The following CAMTA2 variants were observed in gnomAD, a reference collection of about 807,000 sequenced individuals.
CAMTA2 encodes the protein calmodulin-binding transcription activator 2.
Under a neutral mutation model 135.7 loss-of-function variants are expected in CAMTA2, and 56 were observed. The ratio of observed to expected loss-of-function variants is 0.41; its 90% CI spans 0.33 to 0.52. CAMTA2 has a LOEUF of 0.52. CAMTA2 is among the 20% of genes least tolerant of loss of function. The pLI is 0.16. For missense variants in CAMTA2, 1,358 were observed against 1,553.4 expected (o/e 0.87, Z 2.11); for synonymous variants, 591 against 604.6 (o/e 0.98, Z 0.33).
rs141179219 is a variant in CAMTA2 at position 4,972,933 on chromosome 17, C to G, written c.2339G>C (p.Arg780Pro). The change falls in exon 15 of 23, where the codon CGA becomes CCA. Residue 780 changes from arginine to proline, a missense_variant. Coordinates refer to ENST00000348066, the MANE Select transcript of CAMTA2 (RefSeq NM_015099.4). ...EAAVLLFRWN[R>P]QALSIPDSLG... is the part of the protein sequence containing the mutation. ...AGAGTCGGGAATGCTCAGTGCCTGT[C>G]GGTTCCAACGGAAAAGGAGCACAGC... The G allele has an allele frequency of 1.9e-6, 3 of 1,613,736 alleles. No homozygotes were observed. The highest frequency in any genetic ancestry group is 1.7e-6 in the Non-Finnish European group (2 of 1,179,986).
At chr17:4,982,636 G>T in intron 5 of CAMTA2, 121 bp downstream of exon 5, 1 of 1,078,420 alleles carries the variant, frequency 9.3e-7, no homozygotes, top group Non-Finnish European at 1.3e-6. Context: ...AGTGAGAAGG[G>T]AAGAGTAACT....
chr17:4,987,090 G>A, intron 1 of CAMTA2: 9 of 1,384,310 alleles, frequency 6.5e-6, no homozygotes, highest in Non-Finnish European at 8.4e-6. Context: ...GCTCGGCTAT[G>A]TGCAGTGAAG....
intron 11 of CAMTA2, 47 bp from the exon 12 acceptor site, chr17:4,974,547 G>T (rs74518904): frequency 1.7e-6 from 2 of 1,152,362 alleles, no homozygotes; most frequent in Non-Finnish European, 2.6e-6. Context: ...TCTAGGTGAT[G>T]CCCTGAACAC....
At position 4,970,471 on chromosome 17, in the gene CAMTA2, G is replaced by C; in HGVS notation, c.2874C>G (p.Asp958Glu). 1 of 1,614,146 alleles carries C rather than the reference G, an allele frequency of 6.2e-7. No individual in the cohort carries two copies. The highest frequency in any genetic ancestry group is 8.5e-7 in the Non-Finnish European group (1 of 1,180,044). ...CTCCAGCCTCGGGCAGCCCCACGAAGTCCTCTCGTTTAATCCGCTCCGGTG... is the reference window on the plus strand; with the variant it reads ...CTCCAGCCTCGGGCAGCCCCACGAACTCCTCTCGTTTAATCCGCTCCGGTG... Reference protein sequence around the residue: ...EATPERIKREDFVGLPEAGAS... With the variant: ...EATPERIKREEFVGLPEAGAS... Residue 958 changes from aspartate to glutamate, a missense_variant, in exon 17 of 23, where the codon GAC becomes GAG. Asp to Glu is a conservative substitution (Grantham distance 45). Transcript: ENST00000348066.
At chr17:4,971,155 A>G (rs1473690967) in intron 16 of CAMTA2, among the ~76,000 whole-genome samples, 1 of 152,212 alleles carries the variant, frequency 6.6e-6, no homozygotes, top group East Asian at 1.9e-4. Context: ...ATTCACTTTC[A>G]TTCCACAAGA....
In CAMTA2 at chr17:4,968,725, C is replaced by T. The variant is rs778525673; in HGVS notation, c.*31G>A. 6.2e-7 allele frequency: 1 copy of T among 1,613,606 alleles called. No individual in the cohort carries two copies. Among genetic ancestry groups the T allele is most frequent in the South Asian group, 1.1e-5 (1 of 91,082 alleles). On this transcript the variant is annotated 3_prime_UTR_variant, in exon 23 of 23. Transcript: ENST00000348066. ...TCCCTGTTAAGACTGCACGAGGCGC[C>T]CCCAGGGTGGTGAGAAAGGCGGTGG... is the stretch of plus-strand genomic sequence containing the variant.
rs1164264093 is a variant in CAMTA2, at chr17:4,979,559, C to A, written c.1638+125G>T. 2.3e-5 allele frequency: 14 copies of A among 606,198 alleles called. No individual in the cohort carries two copies. The African/African-American group carries it at 2.6e-4, about 11-fold the overall frequency. 37.6% of individuals were successfully genotyped at this position (606,198 alleles called of 1,614,324 possible). On this transcript the variant is annotated intron_variant, in intron 9 of 22. Coordinates refer to ENST00000348066, the MANE Select transcript of CAMTA2 (RefSeq NM_015099.4). The stretch of plus-strand genomic sequence containing the variant: ...GAGATTAGGTAGAGGACTAAGAAGC[C>A]TAAGAAGCCATGAAAACTGAGGGAA...
intron 2 of CAMTA2, 37 bp from the exon 3 acceptor site, chr17:4,986,020 C>T (rs1973255935): frequency 6.9e-7 from 1 of 1,452,364 alleles, no homozygotes; most frequent in East Asian, 2.3e-5. Context: ...AGTGTGCTAC[C>T]CTGGGGCATC....
chr17:4,973,142 C>T (rs771011480), intron 14 of CAMTA2, 33 bp downstream of exon 14: 3 of 1,586,314 alleles, frequency 1.9e-6, no homozygotes, highest in South Asian at 2.2e-5. Flanking sequence ...TTGCTCCCTG[C>T]CCCATATGCG....
In CAMTA2 at chr17:4,969,418, G is replaced by A; in HGVS notation, c.3283-81C>T. On this transcript the variant is annotated intron_variant, in intron 20 of 22. Transcript: ENST00000348066. This position sits in a 1 kb window ranked among gnomAD's most constrained non-coding sequence, Gnocchi z 5.6. ...CCCTGAGGCTCACCCAAGTTAGGCT[G>A]ATGCAAGACTCTCTGTAACCCACAC... 6.2e-7 allele frequency: 1 copy of A among 1,606,628 alleles called. No individual in the cohort carries two copies. The highest frequency in any genetic ancestry group is 8.5e-7 in the Non-Finnish European group (1 of 1,173,176).
chr17:4,970,546 G>T lies in CAMTA2; in HGVS notation c.2809-10C>A, dbSNP rs1476553367. ...GTGAGATCATGTCCACCTGGAAGAA[G>T]GGAGAAGCTGAGTGAGTCCTTAGGG... On this transcript the variant is annotated splice_polypyrimidine_tract_variant and intron_variant, in intron 16 of 22. Coordinates refer to ENST00000348066, the MANE Select transcript of CAMTA2 (RefSeq NM_015099.4). The T allele has an allele frequency of 6.2e-7, 1 of 1,605,212 alleles. No homozygotes were observed. The highest frequency in any genetic ancestry group is 8.5e-7 in the Non-Finnish European group (1 of 1,178,824).
intron 10 of CAMTA2, 65 bp downstream of exon 10, chr17:4,978,439 A>AG: frequency 6.5e-7 from 1 of 1,527,840 alleles, no homozygotes. Flanking sequence ...GGAAGCCTGG[A>AG]GGTCCTGATC....
intron 13 of CAMTA2, 72 bp from the exon 14 acceptor site, chr17:4,973,325 A>G: frequency 7.8e-7 from 1 of 1,289,476 alleles, no homozygotes; most frequent in Non-Finnish European, 1.1e-6. Flanking sequence ...CATCAGAAGT[A>G]AAGGCACTAG....
intron 7 of CAMTA2, 55 bp downstream of exon 7, chr17:4,981,623 G>C (rs1297968877): frequency 1.3e-6 from 2 of 1,523,332 alleles, no homozygotes; most frequent in Non-Finnish European, 1.8e-6. Context: ...TGGCCCCTCT[G>C]GGAGCCCTGT....
chr17:4,974,848 T>C (rs564027902), intron 11 of CAMTA2, among the ~76,000 whole-genome samples: 9 of 152,194 alleles, frequency 5.9e-5, no homozygotes, highest in Non-Finnish European at 8.8e-5. Context: ...AGGCAAAATG[T>C]TCTGTCAATT....
rs900549460 is a variant in CAMTA2 at position 4,987,629 on chromosome 17, T to A, written c.-101A>T. The A allele has an allele frequency of 1.3e-6, 2 of 1,527,254 alleles. No homozygotes were observed. Among genetic ancestry groups the A allele is most frequent in the Middle Eastern group, 1.7e-4 (1 of 5,956 alleles). 94.6% of individuals were successfully genotyped at this position (1,527,254 alleles called of 1,614,324 possible). A position where few individuals can be genotyped will look rare whatever the true frequency, so the allele number is the denominator to read the frequency against. On this transcript the variant is annotated 5_prime_UTR_variant, in exon 1 of 23. It removes an upstream start codon present in the reference 5' UTR. Transcript: ENST00000348066. ...CCGCGGGTGACGGCGGCAGCGGCCA[T>A]TCTACCCCACACCGACCCCCCCCAG...
In CAMTA2 at chr17:4,979,435, G is replaced by A. The variant is rs552646627; in HGVS notation, c.1638+249C>T. The A allele has an allele frequency of 7.1e-5, 21 of 296,350 alleles. No individual in the cohort carries two copies. The East Asian group carries it at 8.0e-4, about 11-fold the overall frequency. 18.4% of individuals were successfully genotyped at this position (296,350 alleles called of 1,614,324 possible). On this transcript the variant is annotated intron_variant, in intron 9 of 22. Transcript: ENST00000348066. The stretch of plus-strand genomic sequence containing the variant: ...TGAGGCAGGAGAATCGTTTGAACCC[G>A]GGAGGCGGAGGTTGCAGTGAGCCAA...
intron 16 of CAMTA2, among the ~76,000 whole-genome samples, chr17:4,971,334 C>T (rs1283348823): frequency 6.6e-6 from 1 of 152,174 alleles, no homozygotes; most frequent in Non-Finnish European, 1.5e-5. Context: ...TACAAACCAG[C>T]TCTAACTGAA....
chr17:4,981,281 G>A lies in CAMTA2; in HGVS notation c.644C>T (p.Thr215Ile), dbSNP rs1248347938. Residue 215 changes from threonine (T) to isoleucine (I), a missense_variant, in exon 8 of 23, where the codon ACC (threonine) becomes ATC (isoleucine). Thr to Ile is a moderately conservative substitution (Grantham distance 89, BLOSUM62 -1). Transcript: ENST00000348066. The part of the protein sequence containing the change: ...VEHLVQQILD[T>I]HPTKPAPRTH... The stretch of plus-strand genomic sequence containing the variant: ...TCGGGGAGCAGGCTTGGTTGGGTGG[G>A]TGTCCAAAATCTGCTGCACCAGGTG... 2 of 1,614,150 alleles carry A rather than the reference G, an allele frequency of 1.2e-6. No homozygotes were observed. Among genetic ancestry groups the A allele is most frequent in the East Asian group, 2.2e-5 (1 of 44,882 alleles).
Sources: gnomAD v4.1 joint callset for allele counts (sites outside exome capture counted in the v4.1 genomes callset) on GRCh38, gnomAD v4.1.1 for gene constraint, Gnocchi (gnomAD v3.1) non-coding constraint, MANE v1.5 for transcripts, NCBI Gene and HGNC (gene_info 2026-07-23, HGNC 2026-07-21) for gene names.